Variants in HS6ST2 observed in about 807,000 individuals in gnomAD.
HS6ST2 encodes heparan sulfate 6-O-sulfotransferase 2.
In HS6ST2, 17 loss-of-function variants were observed where a neutral mutation model predicts 33.0. That is an observed-to-expected ratio of 0.52 (90% CI 0.35 to 0.77). HS6ST2 has a LOEUF of 0.77. Ranked by LOEUF, HS6ST2 falls within the 30% of genes least tolerant of loss-of-function variation. The probability of loss-of-function intolerance (pLI) is 0.01; values close to 1 mark genes in which losing one functional copy is unlikely to be tolerated. For missense variants in HS6ST2, 519 were observed against 551.7 expected (o/e 0.94, Z 0.59); for synonymous variants, 248 against 237.1 (o/e 1.05, Z -0.42).
intron 2 of HS6ST2, among the ~76,000 whole-genome samples, chrX:132,711,857 C>T (rs895732980): frequency 2.7e-5 from 3 of 111,199 alleles, no homozygotes; most frequent in Non-Finnish European, 5.7e-5. Context: ...AATTGATGAA[C>T]AATTGACCCT....
chrX:132,926,377 C>A (rs1227434905), intron 2 of HS6ST2, among the ~76,000 whole-genome samples: 1 of 111,751 alleles, frequency 8.9e-6, no homozygotes, highest in Non-Finnish European at 1.9e-5. Context: ...CACTTAGGGC[C>A]TTGAAGCTGG....
At chrX:132,853,726 G>A (rs1921701066) in intron 2 of HS6ST2, among the ~76,000 whole-genome samples, 1 of 110,606 alleles carries the variant, frequency 9.0e-6, no homozygotes, top group Non-Finnish European at 1.9e-5. Context: ...AGCCAGTTAG[G>A]GACTAATGTA....
chrX:132,918,985 T>C (rs2066622974), intron 2 of HS6ST2, among the ~76,000 whole-genome samples: 1 of 112,263 alleles, frequency 8.9e-6, no homozygotes, highest in Admixed American at 9.4e-5. Context: ...CTATGTTTGA[T>C]GATGACTTTA....
In HS6ST2 at chrX:132,627,256, T is replaced by C. The variant is rs2063485737; in HGVS notation, c.*967A>G. 8.9e-6 allele frequency: 1 copy of C among 112,650 alleles called. No homozygotes were observed. Among genetic ancestry groups the C allele is most frequent in the African/African-American group, 3.2e-5 (1 of 30,942 alleles). The allele number at this position is 112,650 out of a possible 1,213,427, so 9.3% of individuals were successfully genotyped here. A position where few individuals can be genotyped will look rare whatever the true frequency, so the allele number is the denominator to read the frequency against. ...TGATTAGGACCTCACTACACAAATA[T>C]TGATAAAATAATTCTATAGAAAGAA... On this transcript the variant is annotated 3_prime_UTR_variant, in exon 5 of 5. Coordinates refer to ENST00000370833, the MANE Select transcript of HS6ST2 (RefSeq NM_001394073.1).
In HS6ST2 at chrX:132,675,371, CTA is replaced by C. The variant is rs765333281; in HGVS notation, c.981-6174_981-6173del. 4.0e-4 allele frequency among the ~76,000 whole-genome samples: 45 copies of C among 111,854 alleles called. No homozygotes were observed. In the South Asian group the frequency reaches 0.016, roughly 39 times the overall value. On this transcript the variant is annotated intron_variant, in intron 3 of 4. Coordinates refer to ENST00000370833, the MANE Select transcript of HS6ST2 (RefSeq NM_001394073.1). ...AGAATCTGTTTACTCCCACCCCACT[CTA>C]TGAGGATTTACAACTGCGTTACAAA...
chrX:132,672,429 A>G (rs1275094191), intron 3 of HS6ST2, among the ~76,000 whole-genome samples: 2 of 111,194 alleles, frequency 1.8e-5, no homozygotes, highest in Non-Finnish European at 3.8e-5. Flanking sequence ...CATCACTTTC[A>G]TCTTGTCTTT....
At chrX:132,889,704 C>A (rs892318041) in intron 2 of HS6ST2, among the ~76,000 whole-genome samples, 2 of 110,588 alleles carry the variant, frequency 1.8e-5, no homozygotes, top group Non-Finnish European at 3.8e-5. Context: ...AACAGAGAGG[C>A]AATGTGGAAG....
intron 2 of HS6ST2, among the ~76,000 whole-genome samples, chrX:132,772,857 A>C (rs2148323159): frequency 1.1e-5 from 1 of 87,015 alleles, no homozygotes; most frequent in South Asian, 5.2e-4. Flanking sequence ...CATATAATAT[A>C]GTCTATAATA....
intron 2 of HS6ST2, among the ~76,000 whole-genome samples, chrX:132,906,576 T>G (rs2066477412): frequency 8.9e-6 from 1 of 111,947 alleles, no homozygotes; most frequent in African/African-American, 3.2e-5. Context: ...TGGGGCCTGA[T>G]GGGAGGTGTT....
At chrX:132,705,976 T>G (rs1023177444) in intron 3 of HS6ST2, among the ~76,000 whole-genome samples, 5 of 111,817 alleles carry the variant, frequency 4.5e-5, no homozygotes, top group African/African-American at 1.6e-4. Context: ...AAATTCTGAT[T>G]CAGTTGTTTT....
upstream of HS6ST2, chrX:132,961,118 G>T (rs1476350652): frequency 1.2e-5 from 1 of 83,730 alleles, no homozygotes; most frequent in Non-Finnish European, 2.3e-5. Context: ...GGGAAAGACT[G>T]GGGGTAGGAG....
At chrX:132,692,088 G>A (rs1274083247) in intron 3 of HS6ST2, among the ~76,000 whole-genome samples, 1 of 112,114 alleles carries the variant, frequency 8.9e-6, no homozygotes, top group Non-Finnish European at 1.9e-5. Context: ...AATTTCAATG[G>A]CTGATTACTT....
At chrX:132,698,066 A>G (rs1255528100) in intron 3 of HS6ST2, among the ~76,000 whole-genome samples, 2 of 111,625 alleles carry the variant, frequency 1.8e-5, no homozygotes, top group East Asian at 5.7e-4. Context: ...AGGGGTCCTC[A>G]ATTCTCCTAT....
chrX:132,869,297 G>A (rs774703008), intron 2 of HS6ST2, among the ~76,000 whole-genome samples: 14 of 106,244 alleles, frequency 1.3e-4, no homozygotes, highest in Non-Finnish European at 2.0e-4. Flanking sequence ...GCCTACCAAC[G>A]AAGGACCAGA....
In HS6ST2 at chrX:132,628,822, C is replaced by T; in HGVS notation, c.1339G>A (p.Val447Ile). 8.3e-7 allele frequency: 1 copy of T among 1,211,817 alleles called. No homozygotes were observed. The highest frequency in any genetic ancestry group is 1.1e-6 in the Non-Finnish European group (1 of 895,483). ...LTLVGCYNLS[V>I]MPEKQRNKVL... ...TTGTTTCTTTGCTTTTCAGGCATGA[C>T]AGAGAGGTTGTAGCAGCCTACCAGG... Residue 447 changes from valine to isoleucine, a missense_variant, in exon 5 of 5, where the codon GTC (valine) becomes ATC (isoleucine). Physicochemically the swap from Val to Ile is conservative, Grantham distance 29. Transcript: ENST00000370833.
rs962917021 is a variant in HS6ST2, at chrX:132,835,220, A to G, written c.947+121588T>C. 1.9e-4 allele frequency among the ~76,000 whole-genome samples: 21 copies of G among 111,614 alleles called. 1 individual carries two copies. Among genetic ancestry groups the G allele is most frequent in the South Asian group, 7.6e-4 (2 of 2,640 alleles). On this transcript the variant is annotated intron_variant, in intron 2 of 4. Transcript: ENST00000370833. ...GGGATGCGCTGACACTTTTGAGGAC[A>G]TCTTAACCTTTTTAAAATGGGGCCT...
At chrX:132,886,961 C>T (rs2066259047) in intron 2 of HS6ST2, among the ~76,000 whole-genome samples, 1 of 110,126 alleles carries the variant, frequency 9.1e-6, no homozygotes, top group Admixed American at 9.7e-5. Flanking sequence ...ATGATGAAAC[C>T]CCGTCTCTAC....
intron 3 of HS6ST2, among the ~76,000 whole-genome samples, chrX:132,687,719 T>G (rs1211288302): frequency 9.1e-6 from 1 of 110,435 alleles, no homozygotes; most frequent in Non-Finnish European, 1.9e-5. Flanking sequence ...CTGTGTTGTC[T>G]ATAACCAGCC....
At chrX:132,717,399 G>A (rs1345375542) in intron 2 of HS6ST2, among the ~76,000 whole-genome samples, 2 of 112,640 alleles carry the variant, frequency 1.8e-5, no homozygotes, top group African/African-American at 6.5e-5. Flanking sequence ...CAATAAAACT[G>A]TGACTTCCTT....
Sources: gnomAD v4.1 joint callset for allele counts (sites outside exome capture counted in the v4.1 genomes callset) on GRCh38, gnomAD v4.1.1 for gene constraint, MANE v1.5 for transcripts, NCBI Gene and HGNC (gene_info 2026-07-23, HGNC 2026-07-21) for gene names.